The following NRG3 variants were observed in gnomAD, a reference collection of about 807,000 sequenced individuals.
NRG3 encodes the protein neuregulin 3.
Under a neutral mutation model 66.9 loss-of-function variants are expected in NRG3, and 31 were observed. The observed-to-expected ratio is 0.46, with a 90% confidence interval of 0.35 to 0.63. The LOEUF (loss-of-function observed/expected upper bound fraction) is 0.63. Among genes scored for constraint, NRG3 ranks in the 20% least tolerant of loss-of-function variants. The pLI, the probability that NRG3 is intolerant of heterozygous loss-of-function variation, is 0.00. For synonymous variants in NRG3, 393 were observed against 359.4 expected (o/e 1.09, Z -1.06); for missense variants, 910 against 878.9 (o/e 1.04, Z -0.45).
intron 1 of NRG3, among the ~76,000 whole-genome samples, chr10:81,949,064 A>G (rs181003612): frequency 3.3e-5 from 5 of 152,258 alleles, no homozygotes; most frequent in Admixed American, 1.3e-4. Flanking sequence ...TGTCAACCAG[A>G]GAAGTTCAGT....
At chr10:81,883,154 C>T (rs925065820) in intron 1 of NRG3, among the ~76,000 whole-genome samples, 1 of 152,092 alleles carries the variant, frequency 6.6e-6, no homozygotes, top group Non-Finnish European at 1.5e-5. Context: ...ATTCCCTTGG[C>T]CACTTAGCAG....
chr10:82,020,501 A>G (rs1270979167), intron 1 of NRG3, among the ~76,000 whole-genome samples: 5 of 152,096 alleles, frequency 3.3e-5, no homozygotes, highest in Admixed American at 6.6e-5. Flanking sequence ...TTGGGCCCTG[A>G]GTAGTATTTG....
At position 82,309,175 on chromosome 10, in the gene NRG3, C is replaced by T. The variant is rs142100017; in HGVS notation, c.824-49564C>T. Among the ~76,000 whole-genome samples the T allele has an allele frequency of 4.7e-3, 720 of 152,276 alleles. 6 individuals are homozygous for T. Among genetic ancestry groups the T allele is most frequent in the African/African-American group, 0.017 (689 of 41,562 alleles). ...GTCAAGCTCTGAATAGAGAAGCTTTCGGGACTGAAGGAGAGCACAGATGTA... is the reference window on the plus strand; with the variant it reads ...GTCAAGCTCTGAATAGAGAAGCTTTTGGGACTGAAGGAGAGCACAGATGTA... On this transcript the variant is annotated intron_variant, in intron 1 of 8. Coordinates refer to ENST00000372141, the MANE Select transcript of NRG3 (RefSeq NM_001010848.4).
intron 2 of NRG3, among the ~76,000 whole-genome samples, chr10:82,631,833 G>A (rs2049861233): frequency 2.0e-5 from 3 of 152,154 alleles, no homozygotes; most frequent in Admixed American, 1.3e-4. Context: ...CAGGTGTGGT[G>A]GCTCACACCT....
intron 4 of NRG3, among the ~76,000 whole-genome samples, chr10:82,878,974 T>G (rs1423178762): frequency 6.6e-6 from 1 of 152,240 alleles, no homozygotes; most frequent in East Asian, 1.9e-4. Flanking sequence ...CACTAGCTAT[T>G]GTACTTATCT....
intron 1 of NRG3, among the ~76,000 whole-genome samples, chr10:82,218,884 A>G (rs1264945720): frequency 6.6e-6 from 1 of 152,144 alleles, no homozygotes; most frequent in Non-Finnish European, 1.5e-5. Context: ...AGATGAGCTG[A>G]TTGCATCTAG....
chr10:82,177,481 G>T (rs960150176), intron 1 of NRG3, among the ~76,000 whole-genome samples: 9 of 152,116 alleles, frequency 5.9e-5, no homozygotes, highest in Admixed American at 6.6e-5. Flanking sequence ...CAAAGACCAA[G>T]ATTTGAAAAG....
rs534117846 is a variant in NRG3, at chr10:82,289,130, G to A, written c.824-69609G>A. Among the ~76,000 whole-genome samples, 3 of 152,210 alleles carry A rather than the reference G, an allele frequency of 2.0e-5. No individual in the cohort carries two copies. The South Asian group carries it at 6.2e-4, about 32-fold the overall frequency. On this transcript the variant is annotated intron_variant, in intron 1 of 8. Coordinates refer to ENST00000372141, the MANE Select transcript of NRG3 (RefSeq NM_001010848.4). The stretch of plus-strand genomic sequence containing the variant: ...TTCTGTGGTATAAGGTCCCAGGGAG[G>A]GTAGGACATTGACTTTTTCTCTAAC...
At chr10:82,457,508 G>T (rs749237383) in intron 2 of NRG3, among the ~76,000 whole-genome samples, 3 of 151,984 alleles carry the variant, frequency 2.0e-5, no homozygotes, top group Non-Finnish European at 2.9e-5. Context: ...TTCCTAACAG[G>T]CCATGGACCA....
chr10:82,691,221 T>C (rs887930832), intron 2 of NRG3, among the ~76,000 whole-genome samples: 2 of 152,140 alleles, frequency 1.3e-5, no homozygotes, highest in African/African-American at 4.8e-5. Flanking sequence ...TACCCCACTC[T>C]CTCATGCCGA....
At chr10:81,896,333 A>T (rs1394020344) in intron 1 of NRG3, among the ~76,000 whole-genome samples, 1 of 152,092 alleles carries the variant, frequency 6.6e-6, no homozygotes, top group Non-Finnish European at 1.5e-5. Flanking sequence ...ACCTCTAAAG[A>T]GTGAAGAACT....
chr10:82,291,610 C>G (rs553721490), intron 1 of NRG3, among the ~76,000 whole-genome samples: 1 of 152,286 alleles, frequency 6.6e-6, no homozygotes, highest in South Asian at 2.1e-4. Context: ...GCGAGAGAGA[C>G]ACAAATCAGT....
intron 2 of NRG3, among the ~76,000 whole-genome samples, chr10:82,387,731 T>G (rs1589946716): frequency 6.6e-6 from 1 of 152,292 alleles, no homozygotes; most frequent in South Asian, 2.1e-4. Flanking sequence ...CCCACCATCT[T>G]TGTTCTAGAA....
intron 1 of NRG3, among the ~76,000 whole-genome samples, chr10:82,165,348 C>T (rs543869002): frequency 3.9e-5 from 6 of 152,018 alleles, no homozygotes; most frequent in Non-Finnish European, 8.8e-5. Flanking sequence ...TATTTGCAGA[C>T]TGATTACAGT....
At chr10:82,866,242 AT>A (rs5786577) in intron 4 of NRG3, among the ~76,000 whole-genome samples, 112,139 of 152,016 alleles carry the variant, frequency 0.74, 41,898 homozygotes, top group African/African-American at 0.86. Context: ...TTAAATTCAG[AT>A]TTTTTTCTCT....
chr10:82,856,500 T>A (rs7088244), intron 3 of NRG3, among the ~76,000 whole-genome samples: 68,970 of 151,808 alleles, frequency 0.45, 15,989 homozygotes, highest in Non-Finnish European at 0.49. Context: ...ATCCCAGCAC[T>A]TTGGGAGGCC....
At chr10:82,129,594 T>A (rs2068676545) in intron 1 of NRG3, among the ~76,000 whole-genome samples, 1 of 152,006 alleles carries the variant, frequency 6.6e-6, no homozygotes, top group Non-Finnish European at 1.5e-5. Flanking sequence ...TATATATTGT[T>A]GAGATGGAGT....
intron 2 of NRG3, among the ~76,000 whole-genome samples, chr10:82,492,821 A>AAGGTAG (rs1371089189): frequency 1.3e-5 from 2 of 152,198 alleles, no homozygotes; most frequent in African/African-American, 2.4e-5. Flanking sequence ...ATTTATCACA[A>AAGGTAG]AGGTCAGTGA....
At chr10:82,632,074 A>G (rs2049883207) in intron 2 of NRG3, among the ~76,000 whole-genome samples, 1 of 152,112 alleles carries the variant, frequency 6.6e-6, no homozygotes. Flanking sequence ...TGCACCTCCA[A>G]CCTGGGCAAC....
Sources: allele counts gnomAD v4.1 joint callset (sites outside exome capture counted in the v4.1 genomes callset), GRCh38; gene constraint gnomAD v4.1.1; transcripts MANE v1.5; gene names NCBI Gene and HGNC (gene_info 2026-07-23, HGNC 2026-07-21).